Variants in SORCS3 observed in about 807,000 individuals in gnomAD.
SORCS3 encodes sortilin related VPS10 domain containing receptor 3, also known as VPS10 domain-containing receptor SorCS3.
Under a neutral mutation model 146.3 loss-of-function variants are expected in SORCS3, and 57 were observed. The observed-to-expected ratio is 0.39, with a 90% confidence interval of 0.31 to 0.49. The LOEUF is 0.49. SORCS3 is among the 20% of genes least tolerant of loss of function. The probability of loss-of-function intolerance (pLI) is 0.92; values close to 1 mark genes in which losing one functional copy is unlikely to be tolerated. For synonymous variants in SORCS3, 653 were observed against 618.5 expected (o/e 1.06, Z -0.83); for missense variants, 1,341 against 1,575.5 (o/e 0.85, Z 2.52).
chr10:105,029,090 C>A (rs1298333812), intron 4 of SORCS3, among the ~76,000 whole-genome samples: 1 of 152,196 alleles, frequency 6.6e-6, no homozygotes, highest in Admixed American at 6.5e-5. Context: ...GGCTACTCAA[C>A]CCTGCCTCTG....
At chr10:104,671,757 T>C (rs2015857166) in intron 1 of SORCS3, among the ~76,000 whole-genome samples, 1 of 152,116 alleles carries the variant, frequency 6.6e-6, no homozygotes, top group Non-Finnish European at 1.5e-5. Flanking sequence ...TCCGTTTCAT[T>C]CTGTTAATGT....
intron 1 of SORCS3, among the ~76,000 whole-genome samples, chr10:104,773,114 A>T (rs192105234): frequency 2.0e-4 from 31 of 152,310 alleles, no homozygotes; most frequent in African/African-American, 7.5e-4. Flanking sequence ...AGGAGTGGGT[A>T]TCTAAAGCAG....
chr10:104,705,449 A>G (rs1206561487), intron 1 of SORCS3, among the ~76,000 whole-genome samples: 2 of 152,192 alleles, frequency 1.3e-5, no homozygotes, highest in African/African-American at 2.4e-5. Flanking sequence ...CTACATTTTT[A>G]AGTGACTTAC....
chr10:105,144,116 C>G (rs1365560273), intron 8 of SORCS3, among the ~76,000 whole-genome samples: 2 of 152,162 alleles, frequency 1.3e-5, no homozygotes, highest in South Asian at 2.1e-4. Flanking sequence ...TTGGGCAAAA[C>G]TTAGGTGTGC....
At chr10:105,200,917 C>T (rs1589685577) in intron 15 of SORCS3, among the ~76,000 whole-genome samples, 1 of 152,018 alleles carries the variant, frequency 6.6e-6, no homozygotes, top group South Asian at 2.1e-4. Flanking sequence ...TAGAAGTGGG[C>T]CCACCTTCCA....
intron 11 of SORCS3, among the ~76,000 whole-genome samples, chr10:105,160,092 A>G (rs947150191): frequency 5.9e-5 from 9 of 152,042 alleles, no homozygotes; most frequent in Non-Finnish European, 8.8e-5. Context: ...GGTTTTTCCA[A>G]CTCAAGGGCT....
At chr10:105,047,574 T>G (rs2055381872) in intron 5 of SORCS3, among the ~76,000 whole-genome samples, 1 of 152,090 alleles carries the variant, frequency 6.6e-6, no homozygotes, top group Non-Finnish European at 1.5e-5. Flanking sequence ...GGCTTGAGCA[T>G]TAGGAAACCT....
At chr10:104,752,849 T>C (rs2017004671) in intron 1 of SORCS3, among the ~76,000 whole-genome samples, 1 of 152,116 alleles carries the variant, frequency 6.6e-6, no homozygotes, top group Non-Finnish European at 1.5e-5. Flanking sequence ...TTTCTATATA[T>C]CCTAAATGCC....
intron 3 of SORCS3, among the ~76,000 whole-genome samples, chr10:104,947,539 A>G (rs887431902): frequency 3.9e-5 from 6 of 152,262 alleles, no homozygotes; most frequent in African/African-American, 1.2e-4. Flanking sequence ...GTGATACATC[A>G]TCCGCGCAGG....
At chr10:104,986,105 A>G (rs767091949) in intron 4 of SORCS3, among the ~76,000 whole-genome samples, 1 of 152,250 alleles carries the variant, frequency 6.6e-6, no homozygotes, top group Non-Finnish European at 1.5e-5. Flanking sequence ...GTCTTCCAAT[A>G]GAAGGCTGCT....
At chr10:104,747,591 G>C (rs192960648) in intron 1 of SORCS3, among the ~76,000 whole-genome samples, 149 of 152,318 alleles carry the variant, frequency 9.8e-4, no homozygotes, top group Middle Eastern at 3.4e-3. Context: ...GGCAAGAAAT[G>C]CTTCCCATAT....
intron 4 of SORCS3, among the ~76,000 whole-genome samples, chr10:105,023,521 T>C (rs1034126435): frequency 6.6e-6 from 1 of 152,212 alleles, no homozygotes; most frequent in African/African-American, 2.4e-5. Flanking sequence ...GATTGAGTGA[T>C]TGTTCTTGGC....
In SORCS3 at chr10:105,223,122, T is replaced by A. The variant is rs1319832341; in HGVS notation, c.2741T>A (p.Val914Glu). The change falls in exon 20 of 27, where the codon GTG becomes GAG. Residue 914 changes from valine (V) to glutamate (E), a missense_variant. Transcript: ENST00000369701. Reference protein sequence around the residue: ...AVLFLHVVCPVEHVHLRVPFV... With the variant: ...AVLFLHVVCPEEHVHLRVPFV... Reference sequence around the variant, plus strand: ...TTTTTTTCTGTTTCCTTAGGTCCTGTGGAGCATGTTCATCTCCGAGTTCCA... The same window carrying A: ...TTTTTTTCTGTTTCCTTAGGTCCTGAGGAGCATGTTCATCTCCGAGTTCCA... 1 of 1,606,906 alleles carries A rather than the reference T, an allele frequency of 6.2e-7. No individual in the cohort carries two copies. The highest frequency in any genetic ancestry group is 1.7e-5 in the Admixed American group (1 of 59,684).
intron 8 of SORCS3, among the ~76,000 whole-genome samples, chr10:105,144,419 T>C (rs537869123): frequency 6.6e-6 from 1 of 152,114 alleles, no homozygotes. Context: ...CTTAATAACA[T>C]GGGTATTTAT....
At chr10:104,855,684 A>G (rs1049489417) in intron 2 of SORCS3, among the ~76,000 whole-genome samples, 7 of 151,888 alleles carry the variant, frequency 4.6e-5, no homozygotes, top group African/African-American at 1.7e-4. Context: ...TTTCCCCAAG[A>G]CCTTGCTCAA....
intron 20 of SORCS3, among the ~76,000 whole-genome samples, chr10:105,241,506 C>T (rs1045618909): frequency 6.6e-6 from 1 of 152,238 alleles, no homozygotes; most frequent in Non-Finnish European, 1.5e-5. Context: ...CAGCTGCCCT[C>T]TGCCACTGCG....
chr10:105,191,505 T>C (rs1452878798), intron 14 of SORCS3, among the ~76,000 whole-genome samples: 1 of 152,162 alleles, frequency 6.6e-6, no homozygotes. Flanking sequence ...TTGATAAACC[T>C]CACTTAGAAA....
chr10:105,068,792 C>T (rs1375041414), intron 5 of SORCS3, among the ~76,000 whole-genome samples: 1 of 152,134 alleles, frequency 6.6e-6, no homozygotes, highest in Non-Finnish European at 1.5e-5. Flanking sequence ...TTCTTACATA[C>T]TTGCATTCCT....
At chr10:105,053,253 G>C (rs1209997269) in intron 5 of SORCS3, among the ~76,000 whole-genome samples, 6 of 151,786 alleles carry the variant, frequency 4.0e-5, no homozygotes, top group Non-Finnish European at 1.5e-5. Context: ...TTTTTGGAGA[G>C]ATACAATTCA....
Sources: allele counts gnomAD v4.1 joint callset (sites outside exome capture counted in the v4.1 genomes callset), GRCh38; gene constraint gnomAD v4.1.1; transcripts MANE v1.5; gene names NCBI Gene and HGNC (gene_info 2026-07-23, HGNC 2026-07-21).